Variants in CUX1 observed in about 807,000 individuals in gnomAD.
CUX1 encodes protein CASP.
Under a neutral mutation model 158.8 loss-of-function variants are expected in CUX1, and 31 were observed. The observed-to-expected ratio is 0.20, with a 90% CI of 0.15 to 0.26. CUX1 has a LOEUF of 0.26. CUX1 is among the 10% of genes least tolerant of loss of function. The probability of loss-of-function intolerance (pLI) is 1.00; values close to 1 mark genes in which losing one functional copy is unlikely to be tolerated. For synonymous variants in CUX1, 879 were observed against 862.1 expected, an observed-to-expected ratio of 1.02 and a Z score of -0.34; for missense variants, 1,589 against 2,014.6, an observed-to-expected ratio of 0.79 and a Z score of 4.04.
intron 22 of CUX1, among the ~76,000 whole-genome samples, chr7:102,237,764 C>T (rs1799732044): frequency 6.6e-6 from 1 of 152,188 alleles, no homozygotes; most frequent in Non-Finnish European, 1.5e-5. Flanking sequence ...GGAACCACTA[C>T]CACCAAGTTG....
At chr7:102,104,168 G>A (rs1423130715) in intron 5 of CUX1, among the ~76,000 whole-genome samples, 168 bp from the exon 6 acceptor site, 1 of 152,066 alleles carries the variant, frequency 6.6e-6, no homozygotes, top group Non-Finnish European at 1.5e-5. Flanking sequence ...TTAACATTTA[G>A]GGAGTAAAAG....
chr7:102,001,928 C>A (rs982401719), intron 2 of CUX1, among the ~76,000 whole-genome samples: 4 of 152,182 alleles, frequency 2.6e-5, no homozygotes, highest in Non-Finnish European at 5.9e-5. Context: ...CATCCTTTAG[C>A]TATAGCGTTG....
intron 4 of CUX1, among the ~76,000 whole-genome samples, chr7:102,074,644 G>A (rs546528319): frequency 2.0e-5 from 3 of 152,300 alleles, no homozygotes; most frequent in East Asian, 1.9e-4. Flanking sequence ...CCTCAGCAGC[G>A]GAGTTCACCA....
chr7:102,235,617 G>A (rs1203696349), intron 22 of CUX1, among the ~76,000 whole-genome samples: 1 of 151,094 alleles, frequency 6.6e-6, no homozygotes, highest in African/African-American at 2.4e-5. Context: ...CAGGAGAATC[G>A]CTTGAACCTG....
chr7:101,997,071 G>A (rs544192465), intron 2 of CUX1, among the ~76,000 whole-genome samples: 4 of 152,232 alleles, frequency 2.6e-5, no homozygotes, highest in African/African-American at 9.6e-5. Flanking sequence ...CCGCCCATCA[G>A]GGCCTGCCCA....
chr7:102,257,434 C>T lies in CUX1; in HGVS notation c.*8392C>T, dbSNP rs138083407. ...TGAGACCTCTTGGAAAAAAAAAATC[C>T]CGTGTATTCTGGAGATGTGAGAATT... On this transcript the variant is annotated 3_prime_UTR_variant, in exon 24 of 24. Transcript: ENST00000292535. 7.6e-5 allele frequency: 75 copies of T among 985,248 alleles called. No homozygotes were observed. The African/African-American group carries it at 1.3e-3, about 17-fold the overall frequency. The allele number at this position is 985,248 out of a possible 1,614,324, so 61.0% of individuals were successfully genotyped here.
intron 1 of CUX1, among the ~76,000 whole-genome samples, chr7:101,834,165 CTTTTTT>C (rs575992276): frequency 5.6e-5 from 4 of 71,092 alleles, no homozygotes; most frequent in African/African-American, 1.7e-4. Context: ...CTGATTGTTT[CTTTTTT>C]TTTTTTTTTT....
chr7:102,191,890 A>C (rs1794318054), intron 12 of CUX1, among the ~76,000 whole-genome samples: 2 of 146,388 alleles, frequency 1.4e-5, no homozygotes, highest in African/African-American at 2.6e-5. Context: ...ATACCGTTCT[A>C]CTCCCTCTCA....
chr7:101,898,016 G>A (rs1801706340), intron 1 of CUX1, among the ~76,000 whole-genome samples: 2 of 152,194 alleles, frequency 1.3e-5, no homozygotes, highest in Non-Finnish European at 2.9e-5. Context: ...CGGTACCCCG[G>A]TGGGCCTTTT....
intron 23 of CUX1, among the ~76,000 whole-genome samples, chr7:102,243,848 T>C (rs1800514905): frequency 6.6e-6 from 1 of 151,528 alleles, no homozygotes; most frequent in Non-Finnish European, 1.5e-5. Flanking sequence ...GCCAACATGG[T>C]GAAACCCTGC....
intron 2 of CUX1, among the ~76,000 whole-genome samples, chr7:101,947,614 T>C (rs1808556134): frequency 6.6e-6 from 1 of 151,956 alleles, no homozygotes; most frequent in Non-Finnish European, 1.5e-5. Flanking sequence ...CACAATACAG[T>C]CTCTAAAATT....
chr7:101,831,482 G>A (rs949764015), intron 1 of CUX1, among the ~76,000 whole-genome samples: 1 of 152,046 alleles, frequency 6.6e-6, no homozygotes, highest in African/African-American at 2.4e-5. Context: ...AGTAGAGGCG[G>A]GGTTTTGCCA....
At chr7:102,225,283 G>T (rs1197692200) in intron 20 of CUX1, among the ~76,000 whole-genome samples, 2 of 152,192 alleles carry the variant, frequency 1.3e-5, no homozygotes, top group African/African-American at 2.4e-5. Flanking sequence ...GGTTCAGGAC[G>T]ATAAACGGGT....
intron 3 of CUX1, among the ~76,000 whole-genome samples, chr7:102,043,323 C>CTGTG (rs57276921): frequency 0.21 from 29,831 of 138,834 alleles, 3,478 homozygotes; most frequent in East Asian, 0.39. Context: ...CATTAGCTCA[C>CTGTG]TGTGTGTGTG....
chr7:102,211,987 TG>T (rs2132149270), intron 20 of CUX1, among the ~76,000 whole-genome samples: 1 of 152,090 alleles, frequency 6.6e-6, no homozygotes, highest in South Asian at 2.1e-4. Context: ...AAAAGTTCCT[TG>T]ATGTGTGATG....
intron 23 of CUX1, among the ~76,000 whole-genome samples, chr7:102,244,204 T>A (rs1390192401): frequency 4.6e-5 from 7 of 152,060 alleles, no homozygotes; most frequent in African/African-American, 1.7e-4. Context: ...ATGTGTTAAA[T>A]CCCTAACCAA....
At position 102,097,350 on chromosome 7, in the gene CUX1, T is replaced by A; in HGVS notation, c.269-14T>A. Reference sequence around the variant, plus strand: ...CTGGCCGAGTGGGGTGATGGCTGTTTTCCTGTTGTGCAGATCCCGTACCAG... The same window carrying A: ...CTGGCCGAGTGGGGTGATGGCTGTTATCCTGTTGTGCAGATCCCGTACCAG... On this transcript the variant is annotated splice_polypyrimidine_tract_variant and intron_variant, in intron 4 of 23. Transcript: ENST00000292535. 8 of 1,600,492 alleles carry A rather than the reference T, an allele frequency of 5.0e-6. No individual in the cohort carries two copies. The highest frequency in any genetic ancestry group is 6.8e-6 in the Non-Finnish European group (8 of 1,176,022).
chr7:101,991,651 C>T (rs1033300002), intron 2 of CUX1, among the ~76,000 whole-genome samples: 9 of 151,356 alleles, frequency 5.9e-5, no homozygotes, highest in Non-Finnish European at 4.4e-5. Flanking sequence ...CCCAGCTACT[C>T]GGGAGGCTGA....
chr7:101,895,539 G>C (rs1169663630), intron 1 of CUX1, among the ~76,000 whole-genome samples: 1 of 152,136 alleles, frequency 6.6e-6, no homozygotes. Context: ...GTTCTCACCT[G>C]TCCATAGGGG....
Sources: gnomAD v4.1 joint callset for allele counts (sites outside exome capture counted in the v4.1 genomes callset) on GRCh38, gnomAD v4.1.1 for gene constraint, MANE v1.5 for transcripts, NCBI Gene and HGNC (gene_info 2026-07-23, HGNC 2026-07-21) for gene names.